The following SUPT20H variants were observed in gnomAD, a reference collection of about 807,000 sequenced individuals.
The protein encoded by SUPT20H is SPT20 homolog, SAGA complex component.
SUPT20H carries 82 observed loss-of-function variants against 122.8 expected under a neutral mutation model. The observed-to-expected ratio is 0.67, with a 90% CI of 0.56 to 0.80. The LOEUF (loss-of-function observed/expected upper bound fraction) is 0.80, where lower values mean the gene tolerates loss of function less well. SUPT20H is among the 30% of genes least tolerant of loss of function. The probability of loss-of-function intolerance (pLI) is 0.00; values close to 1 mark genes in which losing one functional copy is unlikely to be tolerated. For missense variants in SUPT20H, 831 were observed against 921.6 expected (o/e 0.90, Z 1.27); for synonymous variants, 291 against 313.0 (o/e 0.93, Z 0.74).
intron 23 of SUPT20H, chr13:37,013,471 T>C (rs985263192): frequency 1.3e-5 from 2 of 151,368 alleles, no homozygotes; most frequent in South Asian, 2.1e-4. Context: ...AAGTTGCACA[T>C]CTTGTACAAA....
At chr13:37,023,948 T>A in intron 19 of SUPT20H, 87 bp downstream of exon 19, 1 of 1,403,494 alleles carries the variant, frequency 7.1e-7, no homozygotes, top group Non-Finnish European at 9.6e-7. Flanking sequence ...CAGATATCAC[T>A]ACTTCACAGG....
At chr13:37,040,830 T>C in intron 7 of SUPT20H, 138 bp from the exon 8 acceptor site, 1 of 628,476 alleles carries the variant, frequency 1.6e-6, no homozygotes, top group Admixed American at 3.0e-5. Flanking sequence ...GTAGATTTCC[T>C]TGGTAGATTT....
At chr13:37,041,993 A>T (rs1324862266) in intron 7 of SUPT20H, among the ~76,000 whole-genome samples, 1 of 152,228 alleles carries the variant, frequency 6.6e-6, no homozygotes, top group Non-Finnish European at 1.5e-5. Flanking sequence ...AGACAGAGGG[A>T]ATAACATATG....
chr13:37,025,395 T>C lies in SUPT20H; in HGVS notation c.1254A>G (p.Lys418=). The change falls in exon 17 of 26, where the codon AAA becomes AAG. Residue 418 remains lysine, a synonymous_variant. Transcript: ENST00000350612. ...QYQELVQNEA[K]CPVKMSHSSS... is the part of the protein sequence containing the mutation. ...AGCTGTGTGACATCTTGACCGGACA[T>C]TTGGCTTCATTCTGGACTAATTCTT... 6.2e-7 allele frequency: 1 copy of C among 1,613,980 alleles called. No homozygotes were observed. Among genetic ancestry groups the C allele is most frequent in the East Asian group, 2.2e-5 (1 of 44,870 alleles).
Position 37,009,791 on chromosome 13 carries a change from G to T in SUPT20H, c.2221C>A (p.His741Asn). 6.2e-7 allele frequency: 1 copy of T among 1,612,294 alleles called. No individual in the cohort carries two copies. Among genetic ancestry groups the T allele is most frequent in the Non-Finnish European group, 8.5e-7 (1 of 1,179,514 alleles). The stretch of plus-strand genomic sequence containing the variant: ...GCTGCTGCTGCCATAGCCATTTGAT[G>T]CTGCAAGAATCGCAACTGCTGCAAA... ...QQIQQLRFLQ[H>N]QMAMAAAAAQ... Residue 741 changes from histidine to asparagine, a missense_variant, in exon 26 of 26, where the codon CAT (histidine) becomes AAT (asparagine). Physicochemically the swap from His to Asn is moderately conservative, Grantham distance 68. Transcript: ENST00000350612.
chr13:37,019,622 A>G (rs1020677003), intron 21 of SUPT20H, among the ~76,000 whole-genome samples: 4 of 152,180 alleles, frequency 2.6e-5, no homozygotes, highest in African/African-American at 7.2e-5. Flanking sequence ...ATTATATTCT[A>G]TATTTCAGAA....
rs2063383507 is a variant in SUPT20H, at chr13:37,031,804, A to G, written c.799T>C (p.Leu267=). The G allele has an allele frequency of 6.2e-7, 1 of 1,609,330 alleles. No individual in the cohort carries two copies. The highest frequency in any genetic ancestry group is 8.5e-7 in the Non-Finnish European group (1 of 1,178,530). The change falls in exon 11 of 26, where the codon TTA becomes CTA. Residue 267 remains leucine, a synonymous_variant. Coordinates refer to ENST00000350612, the MANE Select transcript of SUPT20H (RefSeq NM_001014286.3). ...GCTTTTCTTTCCTTTCTTTTTTGTA[A>G]GAAATCAAGTAACCTCAGCTGAGGA... is the stretch of plus-strand genomic sequence containing the variant. ...PPPQLRLLDF[L]QKRKERKAGQ...
intron 1 of SUPT20H, among the ~76,000 whole-genome samples, chr13:37,055,782 T>C (rs2068822127): frequency 6.6e-6 from 1 of 152,126 alleles, no homozygotes; most frequent in Admixed American, 6.5e-5. Context: ...CTAATTAAAC[T>C]AAAGAGCTTC....
chr13:37,057,973 CAAAAA>C (rs34624589), intron 1 of SUPT20H, among the ~76,000 whole-genome samples: 1 of 98,062 alleles, frequency 1.0e-5, no homozygotes, highest in African/African-American at 4.3e-5. Context: ...GACTCCGTCT[CAAAAA>C]AAAAAAAAAA....
At position 37,032,277 on chromosome 13, in the gene SUPT20H, G is replaced by A. The variant is rs143160890; in HGVS notation, c.708-382C>T. Among the ~76,000 whole-genome samples, 653 of 152,160 alleles carry A rather than the reference G, an allele frequency of 4.3e-3. 17 individuals carry two copies. The highest frequency in any genetic ancestry group is 0.04 in the Admixed American group (604 of 15,266). The stretch of plus-strand genomic sequence containing the variant: ...AAGAGTCTGAAAAAATGACATGTGA[G>A]CTGAGATAGGAATGATGAGAAGGAA... On this transcript the variant is annotated intron_variant, in intron 10 of 25. Coordinates refer to ENST00000350612, the MANE Select transcript of SUPT20H (RefSeq NM_001014286.3).
chr13:37,051,713 C>G, intron 1 of SUPT20H, 130 bp from the exon 2 acceptor site: 1 of 426,092 alleles, frequency 2.3e-6, no homozygotes, highest in East Asian at 3.5e-5. Context: ...TTTTAAGACA[C>G]TTTTTAATAA....
chr13:37,058,692 A>G (rs537570521), intron 1 of SUPT20H, among the ~76,000 whole-genome samples: 1 of 152,164 alleles, frequency 6.6e-6, no homozygotes, highest in Non-Finnish European at 1.5e-5. Context: ...CTTTCCTAAC[A>G]TCACAGACCT....
At chr13:37,051,911 C>A (rs1299202693) in intron 1 of SUPT20H, among the ~76,000 whole-genome samples, 2 of 152,132 alleles carry the variant, frequency 1.3e-5, no homozygotes, top group East Asian at 1.9e-4. Context: ...TGTTGCTATT[C>A]TCATTTTTCC....
At chr13:37,039,627 G>GT (rs1309219129) in intron 9 of SUPT20H, 1 of 152,012 alleles carries the variant, frequency 6.6e-6, no homozygotes, top group Non-Finnish European at 1.5e-5. Context: ...GAGAAATTTT[G>GT]TAAGAGTTTT....
rs1422829252 is a variant in SUPT20H, at chr13:37,009,467, G to C, written c.*205C>G. 2.2e-5 allele frequency: 17 copies of C among 768,804 alleles called. No homozygotes were observed. The East Asian group carries it at 4.3e-4, about 19-fold the overall frequency. The allele number at this position is 768,804 out of a possible 1,614,324, so 47.6% of individuals were successfully genotyped here. ...TGTATAGTGAAACCATTTTTAAAAA[G>C]CAATGACTTAGGCAAACCAACCCTA... On this transcript the variant is annotated 3_prime_UTR_variant, in exon 26 of 26. Transcript: ENST00000350612.
At chr13:37,027,013 T>G (rs914001459) in intron 14 of SUPT20H, among the ~76,000 whole-genome samples, 197 bp from the exon 15 acceptor site, 4 of 152,110 alleles carry the variant, frequency 2.6e-5, no homozygotes, top group Non-Finnish European at 4.4e-5. Flanking sequence ...TAGACCAATT[T>G]TTTCACAAAA....
chr13:37,037,965 G>C (rs957354928), intron 9 of SUPT20H: 6 of 151,294 alleles, frequency 4.0e-5, no homozygotes, highest in Admixed American at 1.3e-4. Context: ...TGTCACTTAA[G>C]AGTTTATTTT....
At position 37,019,334 on chromosome 13, in the gene SUPT20H, A is replaced by G; in HGVS notation, c.1872+8T>C. ...AAAATTTAATCAAAAGCAGTATTTC[A>G]GGTTTACCTGGAGTAGATTTAAGGG... On this transcript the variant is annotated splice_region_variant and intron_variant, in intron 22 of 25. Coordinates refer to ENST00000350612, the MANE Select transcript of SUPT20H (RefSeq NM_001014286.3). The G allele has an allele frequency of 6.3e-7, 1 of 1,587,328 alleles. No homozygotes were observed. Among genetic ancestry groups the G allele is most frequent in the Non-Finnish European group, 8.5e-7 (1 of 1,170,222 alleles).
chr13:37,038,360 A>G (rs1035831507), intron 9 of SUPT20H: 1 of 152,248 alleles, frequency 6.6e-6, no homozygotes, highest in African/African-American at 2.4e-5. Context: ...AATACAGTTC[A>G]TAACAAGAAG....
Sources: allele counts gnomAD v4.1 joint callset (sites outside exome capture counted in the v4.1 genomes callset), GRCh38; gene constraint gnomAD v4.1.1; transcripts MANE v1.5; gene names NCBI Gene and HGNC (gene_info 2026-07-23, HGNC 2026-07-21).